Variants in CCDC38 observed in about 807,000 individuals in gnomAD.
CCDC38 encodes coiled-coil domain containing 38.
Under a neutral mutation model 72.8 loss-of-function variants are expected in CCDC38, and 69 were observed. The observed-to-expected ratio is 0.95, with a 90% CI of 0.78 to 1.16. The LOEUF (loss-of-function observed/expected upper bound fraction) is 1.16. CCDC38 is among the 50% of genes most tolerant of loss of function. CCDC38 has a pLI of 0.00. For missense variants in CCDC38, 626 were observed against 638.9 expected, an observed-to-expected ratio of 0.98 and a Z score of 0.22; for synonymous variants, 201 against 213.2, an observed-to-expected ratio of 0.94 and a Z score of 0.50.
chr12:95,940,887 CAAACAA>C (rs745991427), intron 1 of CCDC38, among the ~76,000 whole-genome samples: 9 of 139,988 alleles, frequency 6.4e-5, no homozygotes, highest in Admixed American at 1.4e-4. Flanking sequence ...AACAAACAAA[CAAACAA>C]AAAAAAAAAC....
chr12:95,897,886 C>G (rs1357960191), intron 7 of CCDC38, among the ~76,000 whole-genome samples: 13 of 152,102 alleles, frequency 8.5e-5, no homozygotes. Context: ...GTGTGCCCAG[C>G]AGATCTTAGT....
chr12:95,927,477 C>T (rs1173940926), intron 2 of CCDC38, among the ~76,000 whole-genome samples: 1 of 150,936 alleles, frequency 6.6e-6, no homozygotes, highest in East Asian at 2.0e-4. Context: ...ACTGATGGGT[C>T]TTGACTCTTT....
At chr12:95,881,182 A>G (rs1414596997) in intron 11 of CCDC38, among the ~76,000 whole-genome samples, 1 of 151,448 alleles carries the variant, frequency 6.6e-6, no homozygotes, top group Non-Finnish European at 1.5e-5. Flanking sequence ...TCAAGTCCCA[A>G]TAAAATGCAA....
chr12:95,878,112 G>T, intron 13 of CCDC38, 99 bp downstream of exon 13: 1 of 1,363,510 alleles, frequency 7.3e-7, no homozygotes, highest in Non-Finnish European at 1.0e-6. Context: ...TAGGACTTGT[G>T]ATTTGCTTTA....
At chr12:95,888,846 T>C (rs1308326057) in intron 9 of CCDC38, among the ~76,000 whole-genome samples, 1 of 151,998 alleles carries the variant, frequency 6.6e-6, no homozygotes, top group Non-Finnish European at 1.5e-5. Context: ...CCCATTGTAG[T>C]GTGTAGTTCT....
intron 4 of CCDC38, 81 bp downstream of exon 4, chr12:95,917,048 T>C: frequency 8.9e-7 from 1 of 1,127,778 alleles, no homozygotes; most frequent in Non-Finnish European, 1.2e-6. Context: ...TCTGTTTTAA[T>C]CACCCTCCAA....
chr12:95,903,083 C>T (rs2079966411), intron 5 of CCDC38, among the ~76,000 whole-genome samples: 1 of 152,068 alleles, frequency 6.6e-6, no homozygotes, highest in African/African-American at 2.4e-5. Context: ...TCTGCAATGT[C>T]TTGTAGTTTT....
chr12:95,922,695 A>G (rs2080222499), intron 2 of CCDC38, among the ~76,000 whole-genome samples: 1 of 152,190 alleles, frequency 6.6e-6, no homozygotes, highest in African/African-American at 2.4e-5. Context: ...TCAAGGCAGC[A>G]CATACAATTT....
At chr12:95,932,734 A>G (rs2080351302) in intron 2 of CCDC38, among the ~76,000 whole-genome samples, 1 of 152,258 alleles carries the variant, frequency 6.6e-6, no homozygotes, top group African/African-American at 2.4e-5. Flanking sequence ...TAATATAAGT[A>G]CATAGTCCCA....
intron 2 of CCDC38, among the ~76,000 whole-genome samples, chr12:95,922,668 T>C (rs1244054374): frequency 6.6e-6 from 1 of 152,146 alleles, no homozygotes; most frequent in African/African-American, 2.4e-5. Flanking sequence ...TTTGGGGCCC[T>C]GTGAGGCTGA....
At chr12:95,925,936 G>A (rs1164050403) in intron 2 of CCDC38, among the ~76,000 whole-genome samples, 5 of 129,514 alleles carry the variant, frequency 3.9e-5, no homozygotes, top group East Asian at 5.3e-4. Flanking sequence ...TGCTGGATTC[G>A]GTTTGCCAGT....
intron 5 of CCDC38, among the ~76,000 whole-genome samples, chr12:95,902,468 T>C (rs922616655): frequency 2.6e-5 from 4 of 152,214 alleles, no homozygotes; most frequent in African/African-American, 9.6e-5. Context: ...AGTGAAATTA[T>C]AGTATGAACT....
In CCDC38 at chr12:95,937,127, TG is replaced by T. The variant is rs2080402773; in HGVS notation, c.-14-605del. ...GTTATTATGATAAATTAAATGTTAA[TG>T]CAATATATTTTTATAAAATTCCAAA... On this transcript the variant is annotated intron_variant, in intron 1 of 15. Transcript: ENST00000344280. Among the ~76,000 whole-genome samples, 3 of 152,234 alleles carry T rather than the reference TG, an allele frequency of 2.0e-5. No homozygotes were observed. In the South Asian group the frequency reaches 6.2e-4, roughly 32 times the overall value.
intron 9 of CCDC38, among the ~76,000 whole-genome samples, chr12:95,890,203 T>C (rs2079809128): frequency 6.6e-6 from 1 of 152,204 alleles, no homozygotes; most frequent in African/African-American, 2.4e-5. Context: ...TGAGCCACCA[T>C]GCCTGGCCTA....
intron 2 of CCDC38, among the ~76,000 whole-genome samples, chr12:95,922,601 G>A (rs577667313): frequency 1.3e-5 from 2 of 152,344 alleles, no homozygotes; most frequent in South Asian, 2.1e-4. Context: ...GGCCGGGAGA[G>A]TTTCCTGCTA....
intron 15 of CCDC38, 73 bp downstream of exon 15, chr12:95,869,407 C>CTAA (rs1351656044): frequency 8.9e-7 from 1 of 1,125,284 alleles, no homozygotes; most frequent in East Asian, 2.4e-5. Context: ...ATAAGTTAGA[C>CTAA]GAATAAAGTA....
chr12:95,915,771 T>C (rs2080137856), intron 4 of CCDC38, among the ~76,000 whole-genome samples: 1 of 152,248 alleles, frequency 6.6e-6, no homozygotes, highest in African/African-American at 2.4e-5. Flanking sequence ...CTGGTTTCCA[T>C]TGCTGACAGA....
At chr12:95,896,609 T>A (rs1209367332) in intron 7 of CCDC38, 1 of 152,272 alleles carries the variant, frequency 6.6e-6, no homozygotes, top group African/African-American at 2.4e-5. Context: ...CCGTTTTAGA[T>A]TGAAATCCTC....
intron 2 of CCDC38, chr12:95,919,665 A>C (rs981998772): frequency 2.9e-5 from 13 of 454,852 alleles, no homozygotes; most frequent in Middle Eastern, 3.2e-4. Context: ...GGTCTTTACC[A>C]AAATAGTAGG....
Sources: allele counts gnomAD v4.1 joint callset (sites outside exome capture counted in the v4.1 genomes callset), GRCh38; gene constraint gnomAD v4.1.1; transcripts MANE v1.5; gene names NCBI Gene and HGNC (gene_info 2026-07-23, HGNC 2026-07-21).